CSGALNACT1: variants seen among roughly 807,000 people sequenced by gnomAD.
The protein encoded by CSGALNACT1 is beta4GalNAcT-1.
Under a neutral mutation model 51.0 loss-of-function variants are expected in CSGALNACT1, and 52 were observed. The ratio of observed to expected loss-of-function variants is 1.02; its 90% CI spans 0.82 to 1.29. CSGALNACT1 has a LOEUF of 1.29. Ranked by LOEUF, CSGALNACT1 falls within the 50% of genes most tolerant of loss-of-function variation. The probability of loss-of-function intolerance (pLI) is 0.00; values close to 1 mark genes in which losing one functional copy is unlikely to be tolerated. For synonymous variants in CSGALNACT1, 341 were observed against 254.4 expected (o/e 1.34, Z -3.24); for missense variants, 935 against 679.2 (o/e 1.38, Z -4.19).
intron 3 of CSGALNACT1, among the ~76,000 whole-genome samples, chr8:19,560,361 C>G (rs1244436190): frequency 1.3e-5 from 2 of 152,092 alleles, no homozygotes; most frequent in Non-Finnish European, 2.9e-5. Context: ...GCACAAAAGG[C>G]AACAACCTTA....
At chr8:19,547,984 G>A (rs1056071373) in intron 3 of CSGALNACT1, among the ~76,000 whole-genome samples, 3 of 152,152 alleles carry the variant, frequency 2.0e-5, no homozygotes, top group Non-Finnish European at 2.9e-5. Flanking sequence ...CATATTCCCG[G>A]CATTGTATTA....
intron 1 of CSGALNACT1, among the ~76,000 whole-genome samples, chr8:19,714,923 C>T (rs1282510673): frequency 1.3e-5 from 2 of 152,166 alleles, no homozygotes; most frequent in Non-Finnish European, 1.5e-5. Flanking sequence ...TCCTTCCATC[C>T]TCTACCCTCA....
chr8:19,408,949 AACACAC>A lies in CSGALNACT1; in HGVS notation c.1228-261_1228-256del, dbSNP rs5889870. On this transcript the variant is annotated intron_variant, in intron 8 of 9. Coordinates refer to ENST00000454498, the Ensembl canonical transcript of CSGALNACT1. ...AATGTTTCTAGGGCATAGATATGAA[AACACAC>A]ACACACACACACACACACACACAAT... Among the ~76,000 whole-genome samples, 56 of 142,290 alleles carry A rather than the reference AACACAC, an allele frequency of 3.9e-4. 1 individual carries two copies. In the East Asian group the frequency reaches 9.9e-3, roughly 25 times the overall value. The allele number at this position is 142,290 out of a possible 152,430, so 93.3% of individuals were successfully genotyped here.
At chr8:19,636,845 A>T (rs533820333) in intron 1 of CSGALNACT1, among the ~76,000 whole-genome samples, 2 of 152,282 alleles carry the variant, frequency 1.3e-5, no homozygotes, top group Admixed American at 6.5e-5. Context: ...CCTTGAGACA[A>T]TTGTTTCACA....
chr8:19,411,471 A>C (rs1413318835), intron 8 of CSGALNACT1, among the ~76,000 whole-genome samples: 2 of 152,228 alleles, frequency 1.3e-5, no homozygotes, highest in Admixed American at 1.3e-4. Context: ...AGCCGTCCCT[A>C]GGGCAGAGAT....
At chr8:19,462,242 T>C (rs139873671) in intron 4 of CSGALNACT1, among the ~76,000 whole-genome samples, 2 of 152,374 alleles carry the variant, frequency 1.3e-5, no homozygotes, top group African/African-American at 4.8e-5. Context: ...GTTGAGTTTC[T>C]GTTATTCATG....
intron 4 of CSGALNACT1, among the ~76,000 whole-genome samples, chr8:19,478,013 G>A (rs1175350871): frequency 6.6e-6 from 1 of 152,146 alleles, no homozygotes; most frequent in Non-Finnish European, 1.5e-5. Context: ...GCACAAGCTT[G>A]AGAACTATTA....
At chr8:19,677,412 C>T (rs148059094) in intron 1 of CSGALNACT1, among the ~76,000 whole-genome samples, 170 of 152,142 alleles carry the variant, frequency 1.1e-3, no homozygotes, top group African/African-American at 4.0e-3. Context: ...TGCCCAGCCG[C>T]GAGTACATTT....
intron 1 of CSGALNACT1, among the ~76,000 whole-genome samples, chr8:19,680,564 A>ACG (rs2060526552): frequency 2.8e-4 from 8 of 29,024 alleles, no homozygotes; most frequent in Admixed American, 4.5e-4. Flanking sequence ...CCCTCGCCCC[A>ACG]CCCCCCCCCC....
chr8:19,499,106 C>T (rs1046556860), intron 4 of CSGALNACT1, among the ~76,000 whole-genome samples: 1 of 152,150 alleles, frequency 6.6e-6, no homozygotes, highest in East Asian at 1.9e-4. Context: ...CAGAGTGAGA[C>T]CCTGTCTCAA....
chr8:19,548,383 T>C (rs556096235), intron 3 of CSGALNACT1, among the ~76,000 whole-genome samples: 14 of 152,304 alleles, frequency 9.2e-5, no homozygotes, highest in African/African-American at 2.4e-4. Flanking sequence ...TCTAAACTCA[T>C]GATTCATATG....
chr8:19,438,461 T>A (rs571244455), intron 6 of CSGALNACT1, among the ~76,000 whole-genome samples: 1 of 152,370 alleles, frequency 6.6e-6, no homozygotes, highest in Non-Finnish European at 1.5e-5. Flanking sequence ...CTATGTCACC[T>A]GCATTTAGGA....
At chr8:19,683,008 C>T (rs4921666), upstream of CSGALNACT1, 81,470 of 269,490 alleles carry the variant, frequency 0.3, 13,143 homozygotes, top group African/African-American at 0.41. Context: ...ACCCTGAACA[C>T]AGCATCCCTT....
chr8:19,628,653 C>T (rs1008410013), intron 1 of CSGALNACT1, among the ~76,000 whole-genome samples: 1 of 146,572 alleles, frequency 6.8e-6, no homozygotes, highest in African/African-American at 2.5e-5. Context: ...AATCAATAGG[C>T]TTTTTTTTTT....
chr8:19,468,732 T>C (rs915823502), intron 4 of CSGALNACT1, among the ~76,000 whole-genome samples: 1 of 151,962 alleles, frequency 6.6e-6, no homozygotes, highest in African/African-American at 2.4e-5. Flanking sequence ...AGACAGGGAT[T>C]ATGAGCTAAG....
chr8:19,607,851 C>T (rs1171593203), intron 1 of CSGALNACT1, among the ~76,000 whole-genome samples: 1 of 152,218 alleles, frequency 6.6e-6, no homozygotes. Flanking sequence ...GTTGTCTTCT[C>T]ACTCCTAGCC....
At chr8:19,516,088 G>A (rs150189708) in intron 3 of CSGALNACT1, among the ~76,000 whole-genome samples, 418 of 152,216 alleles carry the variant, frequency 2.7e-3, no homozygotes, top group Middle Eastern at 0.017. Flanking sequence ...ACTGAGAACC[G>A]CATGAAACCA....
chr8:19,444,682 T>A (rs964211443), intron 5 of CSGALNACT1, among the ~76,000 whole-genome samples: 1 of 152,208 alleles, frequency 6.6e-6, no homozygotes, highest in African/African-American at 2.4e-5. Context: ...CTAAAAGAAA[T>A]GACCGCCTTC....
intron 3 of CSGALNACT1, among the ~76,000 whole-genome samples, chr8:19,517,212 A>T (rs2079724854): frequency 6.6e-6 from 1 of 152,148 alleles, no homozygotes; most frequent in South Asian, 2.1e-4. Context: ...CCGAGGTGGG[A>T]AGATCACCTG....
Sources: allele counts gnomAD v4.1 joint callset (sites outside exome capture counted in the v4.1 genomes callset), GRCh38; gene constraint gnomAD v4.1.1; transcripts MANE v1.5; gene names NCBI Gene and HGNC (gene_info 2026-07-23, HGNC 2026-07-21).